Variants in ARID1A observed in about 807,000 individuals in gnomAD.
ARID1A encodes the protein AT-rich interactive domain-containing protein 1A.
A neutral mutation model predicts 212.6 loss-of-function variants in ARID1A; 20 were observed. The observed-to-expected ratio is 0.09, with a 90% CI of 0.07 to 0.14. The LOEUF is 0.14. Ranked by LOEUF, ARID1A falls within the 10% of genes least tolerant of loss-of-function variation. The pLI is 1.00. For missense variants in ARID1A, 2,587 were observed against 3,059.0 expected, an observed-to-expected ratio of 0.85 and a Z score of 3.64; for synonymous variants, 1,376 against 1,222.1, an observed-to-expected ratio of 1.13 and a Z score of -2.63.
intron 4 of ARID1A, among the ~76,000 whole-genome samples, chr1:26,759,765 C>T (rs895701098): frequency 6.6e-6 from 1 of 152,092 alleles, no homozygotes; most frequent in Admixed American, 6.5e-5. Flanking sequence ...AAACAAATAC[C>T]AAGTTCTCAC....
At chr1:26,751,067 C>G (rs2080880345) in intron 4 of ARID1A, among the ~76,000 whole-genome samples, 1 of 151,928 alleles carries the variant, frequency 6.6e-6, no homozygotes, top group African/African-American at 2.4e-5. Context: ...CCAACCTGAT[C>G]AACATGGTGA....
At chr1:26,734,188 C>T (rs1198952416) in intron 4 of ARID1A, among the ~76,000 whole-genome samples, 2 of 151,226 alleles carry the variant, frequency 1.3e-5, no homozygotes, top group African/African-American at 4.8e-5. Context: ...TGTGTAACCA[C>T]TCCCTCATCA....
intron 1 of ARID1A, among the ~76,000 whole-genome samples, chr1:26,708,655 C>A (rs2080419111): frequency 6.6e-6 from 1 of 151,408 alleles, no homozygotes; most frequent in South Asian, 2.1e-4. Flanking sequence ...TATTACTTTT[C>A]CAGAAACTTG....
At chr1:26,766,157 C>T (rs2124078635) in intron 8 of ARID1A, 64 bp from the exon 9 acceptor site, 1 of 1,551,898 alleles carries the variant, frequency 6.4e-7, no homozygotes, top group Non-Finnish European at 8.7e-7. Context: ...TATTTGGCTC[C>T]AGTTCAAATC....
At chr1:26,706,774 A>T (rs2080396110) in intron 1 of ARID1A, among the ~76,000 whole-genome samples, 2 of 152,130 alleles carry the variant, frequency 1.3e-5, no homozygotes. Flanking sequence ...TTTGGCAAAT[A>T]TGTATGTCTT....
At position 26,696,755 on chromosome 1, in the gene ARID1A, A is replaced by T. The variant is rs2080260036; in HGVS notation, c.352A>T (p.Thr118Ser). The T allele has an allele frequency of 7.4e-7, 1 of 1,352,462 alleles. No homozygotes were observed. The highest frequency in any genetic ancestry group is 3.1e-5 in the East Asian group (1 of 31,966). 83.8% of individuals were successfully genotyped at this position (1,352,462 alleles called of 1,614,324 possible). A position where few individuals can be genotyped will look rare whatever the true frequency, so the allele number is the denominator to read the frequency against. ...TAGGCCCGCCCTGAACAATAACCTCACGGAGCCGCCCGGCGGCGGCGGTGG... is the reference window on the plus strand; with the variant it reads ...TAGGCCCGCCCTGAACAATAACCTCTCGGAGCCGCCCGGCGGCGGCGGTGG... Reference protein sequence around the residue: ...GPRPALNNNLTEPPGGGGGGS... With the variant: ...GPRPALNNNLSEPPGGGGGGS... The change falls in exon 1 of 20, where the codon ACG becomes TCG. Residue 118 changes from threonine to serine, a missense_variant. Around this residue, in one of 11 missense-constraint regions of ARID1A, gnomAD observed 735 missense variants for 590.6 expected, o/e 1.24. Coordinates refer to ENST00000324856, the MANE Select transcript of ARID1A (RefSeq NM_006015.6).
chr1:26,732,730 T>C lies in ARID1A; in HGVS notation c.1858T>C (p.Ser620Pro). The C allele has an allele frequency of 6.2e-7, 1 of 1,614,030 alleles. No homozygotes were observed. Among genetic ancestry groups the C allele is most frequent in the Non-Finnish European group, 8.5e-7 (1 of 1,179,942 alleles). The stretch of plus-strand genomic sequence containing the variant: ...GGCATCCTCAGCCCCCTCAATGACC[T>C]CCAGTAAGGGAGGGCAAGAAGATAT... ...SQASSAPSMTSSKGGQEDMNL... is the reference protein window; with the variant it reads ...SQASSAPSMTPSKGGQEDMNL... The change falls in exon 4 of 20, where the codon TCC becomes CCC. Residue 620 changes from serine (S) to proline (P), a missense_variant. This residue lies in a region of ARID1A where 674 missense variants were observed against 813.4 expected (regional missense o/e 0.83). Transcript: ENST00000324856.
At chr1:26,735,763 G>A (rs1294120995) in intron 4 of ARID1A, among the ~76,000 whole-genome samples, 2 of 152,170 alleles carry the variant, frequency 1.3e-5, no homozygotes, top group Non-Finnish European at 2.9e-5. Context: ...ATGGCACTTT[G>A]AGAACCTCTA....
At chr1:26,758,427 AAC>A (rs1298556627) in intron 4 of ARID1A, among the ~76,000 whole-genome samples, 2 of 152,022 alleles carry the variant, frequency 1.3e-5, no homozygotes, top group East Asian at 3.9e-4. Context: ...CACACACACA[AAC>A]ACAGCCAGAC....
chr1:26,742,572 A>C (rs1301983699), intron 4 of ARID1A, among the ~76,000 whole-genome samples: 1 of 152,150 alleles, frequency 6.6e-6, no homozygotes, highest in Non-Finnish European at 1.5e-5. Context: ...CCCATCCTAG[A>C]TTTATTGGAT....
At position 26,723,351 on chromosome 1, in the gene ARID1A, T is replaced by G. The variant is rs148003781; in HGVS notation, c.1138-6300T>G. On this transcript the variant is annotated intron_variant, in intron 1 of 19. Transcript: ENST00000324856. ...TGCCCTATCACAGGGGAGGGTCCCA[T>G]ACTGGAACTGGATCAACAGCTGTCG... Among the ~76,000 whole-genome samples the G allele has an allele frequency of 6.6e-5, 10 of 152,274 alleles. No individual in the cohort carries two copies. In the South Asian group the frequency reaches 2.1e-3, roughly 32 times the overall value.
chr1:26,697,483 G>A lies in ARID1A; in HGVS notation c.1080G>A (p.Ala360=). 7.1e-7 allele frequency: 1 copy of A among 1,402,192 alleles called. No homozygotes were observed. Among genetic ancestry groups the A allele is most frequent in the Non-Finnish European group, 9.2e-7 (1 of 1,085,816 alleles). 86.9% of individuals were successfully genotyped at this position (1,402,192 alleles called of 1,614,324 possible). A position where few individuals can be genotyped will look rare whatever the true frequency, so the allele number is the denominator to read the frequency against. The change falls in exon 1 of 20, where the codon GCG becomes GCA. Residue 360 remains alanine, a synonymous_variant. Transcript: ENST00000324856. Reference sequence around the variant, plus strand: ...GGGCCCAACAAAGGAGCCACCACGCGCCCATGAGCCCCGGGAGCAGCGGCG... The same window carrying A: ...GGGCCCAACAAAGGAGCCACCACGCACCCATGAGCCCCGGGAGCAGCGGCG... ...SGGAQQRSHH[A]PMSPGSSGGG...
At chr1:26,773,299 G>C (rs747039522) in intron 14 of ARID1A, 47 bp from the exon 15 acceptor site, 49 of 1,527,420 alleles carry the variant, frequency 3.2e-5, no homozygotes, top group Non-Finnish European at 1.8e-6. Context: ...AGATTACCAG[G>C]CTTGTCAACT....
intron 10 of ARID1A, among the ~76,000 whole-genome samples, chr1:26,767,495 C>T (rs2081049442): frequency 6.6e-6 from 1 of 152,322 alleles, no homozygotes; most frequent in South Asian, 2.1e-4. Context: ...GCTTTGCCTC[C>T]TGGTGCCTGC....
chr1:26,728,715 G>A (rs1207082038), intron 1 of ARID1A, among the ~76,000 whole-genome samples: 1 of 152,146 alleles, frequency 6.6e-6, no homozygotes, highest in Admixed American at 6.5e-5. Flanking sequence ...TCTCCATCTT[G>A]TGTGTGTCTT....
intron 1 of ARID1A, among the ~76,000 whole-genome samples, chr1:26,710,527 A>ACACACACACACACACC (rs915474721): frequency 4.7e-5 from 7 of 150,378 alleles, no homozygotes; most frequent in African/African-American, 1.2e-4. Context: ...ACACACACAC[A>ACACACACACACACACC]CCACTTGTTG....
At chr1:26,733,430 T>G (rs1010068382) in intron 4 of ARID1A, among the ~76,000 whole-genome samples, 2 of 152,178 alleles carry the variant, frequency 1.3e-5, no homozygotes, top group African/African-American at 4.8e-5. Context: ...CCACCAACTC[T>G]GTTTCATAGG....
intron 1 of ARID1A, among the ~76,000 whole-genome samples, chr1:26,726,005 G>A (rs927412314): frequency 7.3e-5 from 11 of 151,602 alleles, no homozygotes; most frequent in African/African-American, 2.4e-4. Context: ...ACAGGCGTGC[G>A]CCACCACGTC....
chr1:26,773,057 G>C, intron 14 of ARID1A, 70 bp downstream of exon 14: 1 of 1,552,110 alleles, frequency 6.4e-7, no homozygotes, highest in Non-Finnish European at 8.7e-7. Context: ...GGGAAATCTT[G>C]AGAATGGCTC....
Sources: gnomAD v4.1 joint callset for allele counts (sites outside exome capture counted in the v4.1 genomes callset) on GRCh38, gnomAD v4.1.1 for gene constraint, gnomAD v4.1.1 regional missense constraint, MANE v1.5 for transcripts, NCBI Gene and HGNC (gene_info 2026-07-23, HGNC 2026-07-21) for gene names.